PARVB: variants seen among roughly 807,000 people sequenced by gnomAD.
The protein encoded by PARVB is beta-parvin.
Under a neutral mutation model 47.0 loss-of-function variants are expected in PARVB, and 46 were observed. The observed-to-expected ratio is 0.98, with a 90% CI of 0.77 to 1.25. The LOEUF is 1.25. Among genes scored for constraint, PARVB ranks in the 50% most tolerant of loss-of-function variants. The pLI is 0.00. For synonymous variants in PARVB, 196 were observed against 196.3 expected, an observed-to-expected ratio of 1.00 and a Z score of 0.01; for missense variants, 473 against 471.6, an observed-to-expected ratio of 1.00 and a Z score of -0.03.
At chr22:44,032,513 C>T (rs975664061) in intron 1 of PARVB, among the ~76,000 whole-genome samples, 6 of 152,096 alleles carry the variant, frequency 3.9e-5, no homozygotes, top group Non-Finnish European at 7.3e-5. Flanking sequence ...TGAGAATGCC[C>T]GTCGCGGTGG....
At chr22:44,011,361 C>T (rs530421029) in intron 2 of PARVB, among the ~76,000 whole-genome samples, 25 of 152,188 alleles carry the variant, frequency 1.6e-4, no homozygotes, top group Admixed American at 8.5e-4. Flanking sequence ...GCCTATAATC[C>T]CAGCACTTTG....
intron 8 of PARVB, chr22:44,143,278 G>A (rs977720735): frequency 1.3e-5 from 2 of 152,384 alleles, no homozygotes; most frequent in Non-Finnish European, 2.9e-5. Flanking sequence ...CTGTGCCAGT[G>A]TTTACACAAC....
At chr22:44,060,273 G>C (rs1219212149) in intron 1 of PARVB, among the ~76,000 whole-genome samples, 2 of 152,054 alleles carry the variant, frequency 1.3e-5, no homozygotes, top group Admixed American at 6.6e-5. Flanking sequence ...CTGAGATTCT[G>C]CCACTGCACT....
chr22:44,081,501 T>G, intron 1 of PARVB: 1 of 569,934 alleles, frequency 1.8e-6, no homozygotes, highest in Non-Finnish European at 2.2e-6. Flanking sequence ...GCTTTGGACT[T>G]CCCTGGATAC....
chr22:44,132,752 C>G (rs1382830889), intron 5 of PARVB, 142 bp from the exon 6 acceptor site: 3 of 586,436 alleles, frequency 5.1e-6, no homozygotes, highest in South Asian at 2.1e-5. Context: ...CTCATCAGCT[C>G]TCTTGATTTG....
chr22:44,082,906 A>G (rs989203322), intron 1 of PARVB, among the ~76,000 whole-genome samples: 3 of 151,902 alleles, frequency 2.0e-5, no homozygotes, highest in African/African-American at 7.3e-5. Flanking sequence ...CAGAAGACCC[A>G]GTTTCCCTGA....
intron 2 of PARVB, among the ~76,000 whole-genome samples, chr22:44,008,937 C>T (rs893093119): frequency 4.0e-4 from 61 of 152,102 alleles, no homozygotes; most frequent in African/African-American, 1.4e-3. Context: ...TGCAGTGAGC[C>T]GAGATCGCAC....
At chr22:44,087,930 C>T (rs1189795159) in intron 1 of PARVB, among the ~76,000 whole-genome samples, 2 of 150,080 alleles carry the variant, frequency 1.3e-5, no homozygotes, top group African/African-American at 2.5e-5. Context: ...ACATATTCCA[C>T]CATTATAGTT....
intron 5 of PARVB, among the ~76,000 whole-genome samples, chr22:44,132,235 T>G (rs966463356): frequency 2.0e-5 from 3 of 152,186 alleles, no homozygotes. Context: ...CAGGAGACCC[T>G]GGAGCCTGGC....
chr22:44,002,335 A>G (rs1357058831), intron 2 of PARVB, among the ~76,000 whole-genome samples: 1 of 152,226 alleles, frequency 6.6e-6, no homozygotes, highest in East Asian at 1.9e-4. Flanking sequence ...AATTGTGAGA[A>G]TGCCCATAAG....
chr22:44,021,203 C>T (rs558976114), upstream of PARVB, among the ~76,000 whole-genome samples: 1 of 152,276 alleles, frequency 6.6e-6, no homozygotes, highest in South Asian at 2.1e-4. Context: ...GTGGTGAAGC[C>T]CCGCAAGGCC....
intron 2 of PARVB, among the ~76,000 whole-genome samples, chr22:44,001,981 C>G (rs1603421478): frequency 7.1e-6 from 1 of 140,264 alleles, no homozygotes; most frequent in Admixed American, 7.2e-5. Context: ...TTTGCTGCTT[C>G]ATTCATGAGC....
At chr22:44,034,863 A>G (rs372628035) in intron 1 of PARVB, among the ~76,000 whole-genome samples, 58 of 152,000 alleles carry the variant, frequency 3.8e-4, no homozygotes, top group African/African-American at 1.3e-3. Context: ...GGCGTGCACC[A>G]CCACACCCAG....
chr22:44,080,137 G>A (rs1259637729), intron 1 of PARVB, among the ~76,000 whole-genome samples: 5 of 152,192 alleles, frequency 3.3e-5, no homozygotes, highest in Non-Finnish European at 7.3e-5. Flanking sequence ...GGGGGCACCC[G>A]GTGTGGAGCA....
chr22:44,120,680 G>T (rs28611278), intron 4 of PARVB, among the ~76,000 whole-genome samples: 4,102 of 152,090 alleles, frequency 0.027, 165 homozygotes, highest in African/African-American at 0.093. Context: ...TTTTTTATTT[G>T]TTCTATTTTG....
intron 1 of PARVB, among the ~76,000 whole-genome samples, chr22:44,079,451 T>C (rs975987986): frequency 2.0e-5 from 3 of 152,160 alleles, no homozygotes; most frequent in African/African-American, 7.2e-5. Flanking sequence ...GACACAGCTG[T>C]GTCTGAAAAC....
At chr22:44,119,162 C>G in intron 4 of PARVB, 22 bp downstream of exon 4, 1 of 1,491,332 alleles carries the variant, frequency 6.7e-7, no homozygotes, top group Non-Finnish European at 9.4e-7. Flanking sequence ...GCAGGGACAG[C>G]TCTGTCCCAC....
intron 2 of PARVB, 114 bp downstream of exon 2, chr22:44,094,131 G>T: frequency 1.8e-6 from 1 of 564,170 alleles, no homozygotes; most frequent in Non-Finnish European, 3.1e-6. Flanking sequence ...ATCAGATGCT[G>T]GGGGCATTTG....
intron 2 of PARVB, among the ~76,000 whole-genome samples, chr22:44,009,881 C>T (rs2050505149): frequency 6.7e-6 from 1 of 148,934 alleles, no homozygotes; most frequent in South Asian, 2.1e-4. Flanking sequence ...GATCTCAGCT[C>T]ACTGCAACCT....
Sources: allele counts gnomAD v4.1 joint callset (sites outside exome capture counted in the v4.1 genomes callset), GRCh38; gene constraint gnomAD v4.1.1; transcripts MANE v1.5; gene names NCBI Gene and HGNC (gene_info 2026-07-23, HGNC 2026-07-21).